The following GPR158 variants were observed in gnomAD, a reference collection of about 807,000 sequenced individuals.
GPR158 encodes G protein-coupled receptor 158, also known as metabotropic glycine receptor.
Under a neutral mutation model 78.2 loss-of-function variants are expected in GPR158, and 30 were observed. The observed-to-expected ratio is 0.38, with a 90% CI of 0.29 to 0.52. The LOEUF (loss-of-function observed/expected upper bound fraction) is 0.52. Ranked by LOEUF, GPR158 falls within the 20% of genes least tolerant of loss-of-function variation. The probability of loss-of-function intolerance (pLI) is 0.83; values close to 1 mark genes in which losing one functional copy is unlikely to be tolerated. For synonymous variants in GPR158, 581 were observed against 591.1 expected (o/e 0.98, Z 0.25); for missense variants, 1,463 against 1,523.5 (o/e 0.96, Z 0.66).
chr10:25,468,267 C>T (rs990341934), intron 5 of GPR158, among the ~76,000 whole-genome samples: 4 of 152,100 alleles, frequency 2.6e-5, no homozygotes, highest in African/African-American at 9.7e-5. Flanking sequence ...ATTTTTTGGA[C>T]TTCCCTTTTT....
chr10:25,311,399 A>G (rs1452075253), intron 2 of GPR158, among the ~76,000 whole-genome samples: 2 of 151,866 alleles, frequency 1.3e-5, no homozygotes, highest in African/African-American at 4.8e-5. Context: ...TGTTGTGTTT[A>G]TATGAAATAT....
chr10:25,341,836 AAAAAC>A (rs905399846), intron 2 of GPR158, among the ~76,000 whole-genome samples: 6 of 141,050 alleles, frequency 4.3e-5, no homozygotes, highest in African/African-American at 1.6e-4. Context: ...TATTCTGAAA[AAAAAC>A]AAAAACAAAA....
intron 2 of GPR158, among the ~76,000 whole-genome samples, chr10:25,359,742 A>G (rs12264368): frequency 0.011 from 1,705 of 152,288 alleles, 31 homozygotes; most frequent in African/African-American, 0.039. Flanking sequence ...TCTTTATAGT[A>G]AAATGATTTA....
At chr10:25,258,871 A>G (rs1853927925) in intron 2 of GPR158, among the ~76,000 whole-genome samples, 1 of 152,212 alleles carries the variant, frequency 6.6e-6, no homozygotes, top group Non-Finnish European at 1.5e-5. Flanking sequence ...TGTAACATAA[A>G]CAGTCAATTA....
chr10:25,368,547 C>A (rs1833934958), intron 2 of GPR158, among the ~76,000 whole-genome samples: 1 of 151,702 alleles, frequency 6.6e-6, no homozygotes, highest in Admixed American at 6.6e-5. Context: ...ACCATCTGAA[C>A]CAGTAAGAAT....
intron 8 of GPR158, among the ~76,000 whole-genome samples, chr10:25,593,014 T>TG (rs1301164476): frequency 1.3e-5 from 2 of 151,800 alleles, no homozygotes; most frequent in Admixed American, 6.6e-5. Flanking sequence ...TCAAGGTATG[T>TG]GTTTTTCTCA....
intron 2 of GPR158, among the ~76,000 whole-genome samples, chr10:25,246,516 T>A (rs1286131711): frequency 2.0e-5 from 3 of 152,204 alleles, no homozygotes; most frequent in Non-Finnish European, 2.9e-5. Context: ...GCTTTAATAT[T>A]TACTGTTAGT....
At chr10:25,295,936 G>A (rs1376519200) in intron 2 of GPR158, among the ~76,000 whole-genome samples, 5 of 151,592 alleles carry the variant, frequency 3.3e-5, no homozygotes, top group South Asian at 2.1e-4. Flanking sequence ...AAGAAGTAAC[G>A]CCTTAGATCA....
intron 5 of GPR158, among the ~76,000 whole-genome samples, chr10:25,544,377 T>G (rs1359512849): frequency 1.3e-5 from 2 of 152,144 alleles, no homozygotes; most frequent in Non-Finnish European, 2.9e-5. Context: ...GTTTAAAAAT[T>G]ATTTTGATAA....
At chr10:25,428,874 C>A (rs1016581819) in intron 4 of GPR158, among the ~76,000 whole-genome samples, 8 of 151,908 alleles carry the variant, frequency 5.3e-5, no homozygotes, top group Admixed American at 2.0e-4. Context: ...TATGAAGAAA[C>A]CTGAAGTGCT....
At chr10:25,564,183 T>A (rs548716108) in intron 6 of GPR158, among the ~76,000 whole-genome samples, 6 of 152,358 alleles carry the variant, frequency 3.9e-5, no homozygotes, top group Non-Finnish European at 8.8e-5. Flanking sequence ...CTGAATTCTT[T>A]GCAGATGAAC....
intron 2 of GPR158, among the ~76,000 whole-genome samples, chr10:25,253,134 C>A (rs1037494971): frequency 0.043 from 4,348 of 101,630 alleles, no homozygotes; most frequent in African/African-American, 0.079. Context: ...TGACCCCTTG[C>A]GCTTCCCAGG....
intron 4 of GPR158, among the ~76,000 whole-genome samples, chr10:25,456,688 T>C (rs188052214): frequency 8.5e-5 from 13 of 152,346 alleles, no homozygotes; most frequent in Admixed American, 3.9e-4. Context: ...TACATCTGTT[T>C]TTACTTAGCA....
intron 3 of GPR158, among the ~76,000 whole-genome samples, chr10:25,407,163 G>T (rs549505582): frequency 7.9e-5 from 12 of 152,140 alleles, no homozygotes; most frequent in African/African-American, 2.9e-4. Flanking sequence ...CTGCTTCCTG[G>T]GGACCAAGAT....
intron 2 of GPR158, among the ~76,000 whole-genome samples, chr10:25,252,026 T>G (rs1357700408): frequency 6.6e-6 from 1 of 151,150 alleles, no homozygotes; most frequent in Non-Finnish European, 1.5e-5. Context: ...TTTATTCTTT[T>G]TTCTCTAAAC....
chr10:25,315,637 G>C (rs1854836230), intron 2 of GPR158, among the ~76,000 whole-genome samples: 1 of 151,708 alleles, frequency 6.6e-6, no homozygotes. Context: ...ATAATTCTAT[G>C]TGTTTTATAA....
chr10:25,580,918 A>ATTTTTTT (rs201391296), intron 7 of GPR158, among the ~76,000 whole-genome samples: 2 of 108,976 alleles, frequency 1.8e-5, no homozygotes, highest in Non-Finnish European at 2.4e-5. Context: ...ATTTTATTTT[A>ATTTTTTT]TTTTATTTTA....
At chr10:25,279,972 A>T (rs1258487719) in intron 2 of GPR158, among the ~76,000 whole-genome samples, 1 of 152,058 alleles carries the variant, frequency 6.6e-6, no homozygotes, top group Non-Finnish European at 1.5e-5. Flanking sequence ...AAAATGAAAA[A>T]AAAAAAAAGA....
intron 2 of GPR158, among the ~76,000 whole-genome samples, chr10:25,388,915 G>C (rs953653173): frequency 1.3e-5 from 2 of 152,210 alleles, no homozygotes; most frequent in African/African-American, 4.8e-5. Flanking sequence ...CCCAGGTGCT[G>C]TTGCAACCTG....
Sources: allele counts gnomAD v4.1 joint callset (sites outside exome capture counted in the v4.1 genomes callset), GRCh38; gene constraint gnomAD v4.1.1; transcripts MANE v1.5; gene names NCBI Gene and HGNC (gene_info 2026-07-23, HGNC 2026-07-21).